The following CHRNA7 variants were observed in gnomAD, a reference collection of about 807,000 sequenced individuals.
CHRNA7 encodes neuronal acetylcholine receptor subunit alpha-7.
CHRNA7 carries 17 observed loss-of-function variants against 48.0 expected under a neutral mutation model. The ratio of observed to expected loss-of-function variants is 0.35; its 90% CI spans 0.24 to 0.53. The LOEUF is 0.53. CHRNA7 is among the 20% of genes least tolerant of loss of function. The probability of loss-of-function intolerance (pLI) is 0.92; values close to 1 mark genes in which losing one functional copy is unlikely to be tolerated. For missense variants in CHRNA7, 155 were observed against 577.7 expected (o/e 0.27, Z 7.50); for synonymous variants, 75 against 242.3 (o/e 0.31, Z 6.41).
intron 2 of CHRNA7, 24 bp from the exon 3 acceptor site, chr15:32,101,279 G>A: frequency 7.0e-7 from 1 of 1,423,422 alleles, no homozygotes; most frequent in Non-Finnish European, 9.5e-7. Flanking sequence ...TATTTATGCT[G>A]CTGCTTTTTT....
At chr15:32,151,356 T>G (rs1035793857) in intron 4 of CHRNA7, among the ~76,000 whole-genome samples, 4 of 152,138 alleles carry the variant, frequency 2.6e-5, no homozygotes, top group African/African-American at 9.7e-5. Context: ...AATCTAAAAG[T>G]GTATTCTTTC....
At chr15:32,136,770 G>A (rs1183368659) in intron 4 of CHRNA7, among the ~76,000 whole-genome samples, 1 of 151,984 alleles carries the variant, frequency 6.6e-6, no homozygotes, top group Non-Finnish European at 1.5e-5. Flanking sequence ...GGTGGCTGAC[G>A]CCTGTAATCC....
chr15:32,080,322 G>C (rs1309490956), intron 2 of CHRNA7, among the ~76,000 whole-genome samples: 2 of 152,188 alleles, frequency 1.3e-5, no homozygotes, highest in Non-Finnish European at 2.9e-5. Context: ...AAGAGCTTCT[G>C]CACAGCAAAA....
chr15:32,053,803 A>G (rs1408200532), intron 2 of CHRNA7, among the ~76,000 whole-genome samples: 1 of 152,214 alleles, frequency 6.6e-6, no homozygotes, highest in African/African-American at 2.4e-5. Context: ...ATTAGTGCAG[A>G]AGAATGGGCT....
At chr15:32,079,358 A>G (rs2050181732) in intron 2 of CHRNA7, among the ~76,000 whole-genome samples, 2 of 152,202 alleles carry the variant, frequency 1.3e-5, no homozygotes, top group Admixed American at 6.5e-5. Flanking sequence ...GAGGAAGTCA[A>G]ATTGTCTCTG....
intron 2 of CHRNA7, among the ~76,000 whole-genome samples, chr15:32,037,705 T>A (rs1902157785): frequency 6.6e-6 from 1 of 152,280 alleles, no homozygotes; most frequent in African/African-American, 2.4e-5. Context: ...AAATTCTACT[T>A]GTTAATTGCC....
In CHRNA7 at chr15:32,120,253, G is replaced by C. The variant is rs2050944845; in HGVS notation, c.350+8354G>C. On this transcript the variant is annotated intron_variant, in intron 4 of 9. Coordinates refer to ENST00000306901, the MANE Select transcript of CHRNA7 (RefSeq NM_000746.6). ...CAGTCTCTCGACACATCAGGAAAGA[G>C]CTCGGTCTCTTGTGCTTTATTTTCT... 2.6e-5 allele frequency among the ~76,000 whole-genome samples: 4 copies of C among 152,112 alleles called. No homozygotes were observed. The South Asian group carries it at 6.2e-4, about 24-fold the overall frequency.
intron 3 of CHRNA7, among the ~76,000 whole-genome samples, chr15:32,104,952 G>A (rs748148385): frequency 6.6e-6 from 1 of 152,184 alleles, no homozygotes; most frequent in Non-Finnish European, 1.5e-5. Flanking sequence ...CTCAGTAAGT[G>A]ACTGGTCTTC....
intron 2 of CHRNA7, among the ~76,000 whole-genome samples, chr15:32,093,876 C>G (rs1015494811): frequency 6.6e-6 from 1 of 152,134 alleles, no homozygotes; most frequent in African/African-American, 2.4e-5. Context: ...AATCAGTGTT[C>G]TCGAACTGTG....
intron 4 of CHRNA7, among the ~76,000 whole-genome samples, chr15:32,148,149 A>C (rs1435422045): frequency 6.6e-6 from 1 of 152,180 alleles, no homozygotes; most frequent in Non-Finnish European, 1.5e-5. Context: ...GTCATCCTGA[A>C]CCCATGCGAA....
chr15:32,067,117 G>A (rs1277805863), intron 2 of CHRNA7, among the ~76,000 whole-genome samples: 1 of 152,186 alleles, frequency 6.6e-6, no homozygotes, highest in Non-Finnish European at 1.5e-5. Flanking sequence ...AATACTTGAA[G>A]CCAAAGGGAG....
rs143878543 is a variant in CHRNA7, at chr15:32,084,187, A to G, written c.196-17116A>G. 3.5e-3 allele frequency among the ~76,000 whole-genome samples: 538 copies of G among 152,308 alleles called. 4 individuals are homozygous for G. Among genetic ancestry groups the G allele is most frequent in the African/African-American group, 0.012 (506 of 41,570 alleles). ...TTATAAATTTTACAGAAAAACAAAC[A>G]TGTTGGAAAACTGCAAGTTTAATCA... On this transcript the variant is annotated intron_variant, in intron 2 of 9. Coordinates refer to ENST00000306901, the MANE Select transcript of CHRNA7 (RefSeq NM_000746.6).
intron 3 of CHRNA7, among the ~76,000 whole-genome samples, chr15:32,105,555 AC>A (rs2050655523): frequency 6.6e-6 from 1 of 152,242 alleles, no homozygotes; most frequent in East Asian, 1.9e-4. Flanking sequence ...AATAGCAAGA[AC>A]AAGTATCTCC....
At chr15:32,104,486 G>C (rs1442264778) in intron 3 of CHRNA7, among the ~76,000 whole-genome samples, 1 of 152,004 alleles carries the variant, frequency 6.6e-6, no homozygotes, top group Non-Finnish European at 1.5e-5. Context: ...TCTCCCAAAG[G>C]CTTCTCACCA....
intron 3 of CHRNA7, among the ~76,000 whole-genome samples, chr15:32,105,915 T>C (rs2141269330): frequency 6.6e-6 from 1 of 152,302 alleles, no homozygotes; most frequent in East Asian, 1.9e-4. Context: ...TTAACAGTCA[T>C]CTAGCCAGTG....
chr15:32,074,630 A>G (rs1207764012), intron 2 of CHRNA7, among the ~76,000 whole-genome samples: 1 of 54,316 alleles, frequency 1.8e-5, no homozygotes, highest in Non-Finnish European at 4.2e-5. Flanking sequence ...TATGAATCAC[A>G]TTATTAATAT....
chr15:32,037,183 G>C (rs1219752200), intron 2 of CHRNA7, among the ~76,000 whole-genome samples: 1 of 152,192 alleles, frequency 6.6e-6, no homozygotes, highest in Non-Finnish European at 1.5e-5. Flanking sequence ...TTGTTGAAAA[G>C]ATGATCTTTG....
intron 2 of CHRNA7, among the ~76,000 whole-genome samples, chr15:32,041,141 T>C (rs554558432): frequency 2.0e-5 from 3 of 152,290 alleles, no homozygotes; most frequent in Admixed American, 1.3e-4. Flanking sequence ...GGATTTTTTT[T>C]CCCCCACATG....
chr15:32,090,888 T>C (rs2050372111), intron 2 of CHRNA7, among the ~76,000 whole-genome samples: 1 of 152,202 alleles, frequency 6.6e-6, no homozygotes. Flanking sequence ...CTTTTCATTG[T>C]GTCCTTCAAG....
Sources: allele counts gnomAD v4.1 joint callset (sites outside exome capture counted in the v4.1 genomes callset), GRCh38; gene constraint gnomAD v4.1.1; transcripts MANE v1.5; gene names NCBI Gene and HGNC (gene_info 2026-07-23, HGNC 2026-07-21).